Variants in WDR27 observed in about 807,000 individuals in gnomAD.
WDR27 encodes the protein WD repeat domain 27.
Under a neutral mutation model 114.4 loss-of-function variants are expected in WDR27, and 100 were observed. The ratio of observed to expected loss-of-function variants is 0.87; its 90% CI spans 0.74 to 1.03. The LOEUF (loss-of-function observed/expected upper bound fraction) is 1.03. Ranked by LOEUF, WDR27 falls within the 50% of genes least tolerant of loss-of-function variation. The pLI is 0.00. For synonymous variants in WDR27, 449 were observed against 423.1 expected (o/e 1.06, Z -0.75); for missense variants, 1,129 against 1,092.9 (o/e 1.03, Z -0.47).
chr6:169,545,506 C>T (rs1797350266), intron 25 of WDR27, among the ~76,000 whole-genome samples: 1 of 152,048 alleles, frequency 6.6e-6, no homozygotes, highest in African/African-American at 2.4e-5. Flanking sequence ...GGTGGTGAGA[C>T]CCCATCTCTA....
At chr6:169,638,722 C>T (rs1818358051) in intron 17 of WDR27, 62 bp from the exon 18 acceptor site, 7 of 1,534,038 alleles carry the variant, frequency 4.6e-6, no homozygotes, top group South Asian at 1.2e-5. Flanking sequence ...TGACTGAGTG[C>T]TACTTATCTG....
At chr6:169,654,227 A>C (rs1331444639) in intron 13 of WDR27, among the ~76,000 whole-genome samples, 1 of 152,234 alleles carries the variant, frequency 6.6e-6, no homozygotes, top group Non-Finnish European at 1.5e-5. Flanking sequence ...GGCTGGTTTT[A>C]TACTCAAAAT....
the WDR27 span, among the ~76,000 whole-genome samples, chr6:169,449,792 A>C: frequency 0.17 from 25,654 of 152,172 alleles, 3,229 homozygotes; most frequent in East Asian, 0.61. Context: ...TGCAGGGAAC[A>C]CAGTCACACC....
intron 25 of WDR27, among the ~76,000 whole-genome samples, chr6:169,512,139 A>AT (rs1387159352): frequency 2.0e-5 from 3 of 152,152 alleles, no homozygotes; most frequent in Admixed American, 1.3e-4. Flanking sequence ...GACAAAATAT[A>AT]TTTTTTAGAT....
At chr6:169,603,293 T>C (rs1258646151) in intron 22 of WDR27, among the ~76,000 whole-genome samples, 5 of 152,158 alleles carry the variant, frequency 3.3e-5, no homozygotes, top group Non-Finnish European at 5.9e-5. Context: ...TGTAGTGTAC[T>C]ACTGAGAAAA....
rs1803754753 is a variant in WDR27, at chr6:169,582,940, A to C, written c.2425-6T>G. 1.2e-6 allele frequency: 2 copies of C among 1,613,378 alleles called. No individual in the cohort carries two copies. Among genetic ancestry groups the C allele is most frequent in the Non-Finnish European group, 8.5e-7 (1 of 1,179,570 alleles). ...CCCATTTCATACACGTAAGCCTACA[A>C]GACAAGATGAGCAGGTGTGCCATGT... On this transcript the variant is annotated splice_region_variant and splice_polypyrimidine_tract_variant and intron_variant, in intron 23 of 25. Coordinates refer to ENST00000448612, the MANE Select transcript of WDR27 (RefSeq NM_182552.5).
the WDR27 span, among the ~76,000 whole-genome samples, chr6:169,445,392 G>C: frequency 1.1e-3 from 173 of 152,188 alleles, no homozygotes; most frequent in Middle Eastern, 0.02. Flanking sequence ...CGAAGGTGTA[G>C]GGTCTCCGGT....
chr6:169,501,043 CAGG>C (rs1487244395), intron 25 of WDR27, among the ~76,000 whole-genome samples: 1 of 152,220 alleles, frequency 6.6e-6, no homozygotes, highest in Non-Finnish European at 1.5e-5. Context: ...CAGGAACCAG[CAGG>C]AGAAGCCTCC....
intron 22 of WDR27, among the ~76,000 whole-genome samples, chr6:169,605,595 TA>T (rs35496118): frequency 1.4e-5 from 2 of 145,292 alleles, no homozygotes; most frequent in African/African-American, 2.5e-5. Context: ...TTTTTTACAT[TA>T]AAAAAAAAAA....
intron 25 of WDR27, among the ~76,000 whole-genome samples, chr6:169,568,128 G>T (rs552077117): frequency 6.6e-6 from 1 of 151,968 alleles, no homozygotes; most frequent in African/African-American, 2.4e-5. Flanking sequence ...TCTCAAACAG[G>T]TCCGTGGAAG....
At chr6:169,499,222 A>G (rs1363191420) in intron 25 of WDR27, among the ~76,000 whole-genome samples, 1 of 152,232 alleles carries the variant, frequency 6.6e-6, no homozygotes, top group Non-Finnish European at 1.5e-5. Flanking sequence ...TGCAAGGTGA[A>G]GTATGTTCTC....
chr6:169,662,528 G>A lies in WDR27; in HGVS notation c.905-104C>T, dbSNP rs1420291400. On this transcript the variant is annotated intron_variant, in intron 8 of 25. Transcript: ENST00000448612. ...AGAGATGCTGCAGTGAATGTGCACC[G>A]TGGAGTCACTCGGATCACGCGTCGA... The A allele has an allele frequency of 5.7e-5, 81 of 1,431,978 alleles. No homozygotes were observed. The South Asian group carries it at 6.2e-4, about 11-fold the overall frequency. The allele number at this position is 1,431,978 out of a possible 1,614,324, so 88.7% of individuals were successfully genotyped here. A position where few individuals can be genotyped will look rare whatever the true frequency, so the allele number is the denominator to read the frequency against.
At chr6:169,466,433 AAGG>A in intron 25 of WDR27, among the ~76,000 whole-genome samples, 1 of 152,296 alleles carries the variant, frequency 6.6e-6, no homozygotes, top group South Asian at 2.1e-4. Flanking sequence ...TGTCAGCAAA[AAGG>A]AGAAGTACTG....
chr6:169,543,904 GA>G (rs1797119746), intron 25 of WDR27, among the ~76,000 whole-genome samples: 2 of 152,042 alleles, frequency 1.3e-5, no homozygotes, highest in African/African-American at 4.8e-5. Flanking sequence ...TAATCATATA[GA>G]AAACATCAGT....
Position 169,510,924 on chromosome 6 carries a change from A to T in WDR27, c.2646-53290T>A, listed in dbSNP as rs114333061. On this transcript the variant is annotated intron_variant, in intron 25 of 25. Transcript: ENST00000448612. Reference sequence around the variant, plus strand: ...CAACCTAAGATTACAAGGCAAAAAAAATATATATGCAAAACTTTTCCTGAG... The same window carrying T: ...CAACCTAAGATTACAAGGCAAAAAATATATATATGCAAAACTTTTCCTGAG... 5.7e-3 allele frequency among the ~76,000 whole-genome samples: 874 copies of T among 152,296 alleles called. 5 individuals carry two copies. Among genetic ancestry groups the T allele is most frequent in the African/African-American group, 0.02 (811 of 41,572 alleles).
chr6:169,464,538 A>G (rs1320310046), intron 25 of WDR27, among the ~76,000 whole-genome samples: 1 of 152,190 alleles, frequency 6.6e-6, no homozygotes, highest in African/African-American at 2.4e-5. Context: ...AAGTGGAAAA[A>G]TTTTTTAAGT....
At chr6:169,681,486 T>A (rs1278152146) in intron 2 of WDR27, among the ~76,000 whole-genome samples, 1 of 152,238 alleles carries the variant, frequency 6.6e-6, no homozygotes, top group African/African-American at 2.4e-5. Context: ...TCACTAAGCG[T>A]GCTCGTAGCT....
At chr6:169,604,638 C>T (rs1422230238) in intron 22 of WDR27, among the ~76,000 whole-genome samples, 2 of 151,952 alleles carry the variant, frequency 1.3e-5, no homozygotes, top group Non-Finnish European at 2.9e-5. Context: ...CAGACAAGGA[C>T]AAAACAAAGA....
the WDR27 span, among the ~76,000 whole-genome samples, chr6:169,451,727 G>C: frequency 6.6e-6 from 1 of 152,188 alleles, no homozygotes; most frequent in South Asian, 2.1e-4. Context: ...TTGTTCTAGT[G>C]AATGTGTAGA....
Sources: allele counts gnomAD v4.1 joint callset (sites outside exome capture counted in the v4.1 genomes callset), GRCh38; gene constraint gnomAD v4.1.1; transcripts MANE v1.5; gene names NCBI Gene and HGNC (gene_info 2026-07-23, HGNC 2026-07-21).